Variants in SPAG16 observed in about 807,000 individuals in gnomAD.
SPAG16 encodes sperm associated antigen 16, also known as sperm-associated antigen 16 protein.
In SPAG16, 86 loss-of-function variants were observed where a neutral mutation model predicts 80.4. The ratio of observed to expected loss-of-function variants is 1.07; its 90% confidence interval spans 0.90 to 1.28. SPAG16 has a LOEUF of 1.28. Among genes scored for constraint, SPAG16 ranks in the 50% most tolerant of loss-of-function variants. The pLI, the probability that SPAG16 is intolerant of heterozygous loss-of-function variation, is 0.00. For missense variants in SPAG16, 870 were observed against 765.3 expected (o/e 1.14, Z -1.61); for synonymous variants, 294 against 265.9 (o/e 1.11, Z -1.03).
chr2:214,105,851 A>G (rs371123807), intron 13 of SPAG16, among the ~76,000 whole-genome samples: 1 of 152,152 alleles, frequency 6.6e-6, no homozygotes, highest in Non-Finnish European at 1.5e-5. Context: ...TATCTTGGGA[A>G]CAAAGCTGTG....
intron 10 of SPAG16, among the ~76,000 whole-genome samples, chr2:213,829,215 A>G (rs935326087): frequency 6.6e-6 from 1 of 152,154 alleles, no homozygotes; most frequent in African/African-American, 2.4e-5. Flanking sequence ...AAACCGTAAG[A>G]CAAAGTTCTT....
At chr2:213,811,976 T>A (rs983232375) in intron 10 of SPAG16, among the ~76,000 whole-genome samples, 2 of 151,900 alleles carry the variant, frequency 1.3e-5, no homozygotes, top group Admixed American at 1.3e-4. Context: ...TAATCACAGT[T>A]TCAGGGGTAG....
chr2:213,721,130 T>C (rs972775571), intron 10 of SPAG16, among the ~76,000 whole-genome samples: 3 of 151,988 alleles, frequency 2.0e-5, no homozygotes, highest in African/African-American at 7.3e-5. Flanking sequence ...AGATGGAGTC[T>C]CTCTCTGTAA....
intron 13 of SPAG16, among the ~76,000 whole-genome samples, chr2:214,066,667 A>G (rs1241549469): frequency 1.3e-5 from 2 of 152,150 alleles, no homozygotes; most frequent in South Asian, 2.1e-4. Flanking sequence ...TTACTGAAAA[A>G]ACACTCAATA....
intron 13 of SPAG16, among the ~76,000 whole-genome samples, chr2:214,077,004 G>T (rs1291665901): frequency 1.3e-5 from 2 of 152,150 alleles, no homozygotes; most frequent in Non-Finnish European, 2.9e-5. Context: ...GGAGGAGTGT[G>T]CAGCATGAGA....
At chr2:213,292,777 A>G (rs1052873183) in intron 1 of SPAG16, among the ~76,000 whole-genome samples, 1 of 152,098 alleles carries the variant, frequency 6.6e-6, no homozygotes, top group African/African-American at 2.4e-5. Flanking sequence ...ATATGGGGGA[A>G]CAGAGGCATG....
chr2:214,373,559 A>G (rs550732423), intron 15 of SPAG16, among the ~76,000 whole-genome samples: 3 of 152,180 alleles, frequency 2.0e-5, no homozygotes, highest in Non-Finnish European at 4.4e-5. Context: ...TTAATTATCC[A>G]TGTAAAGAAC....
intron 12 of SPAG16, among the ~76,000 whole-genome samples, chr2:213,935,837 A>G (rs545766996): frequency 2.0e-5 from 3 of 152,290 alleles, no homozygotes; most frequent in African/African-American, 4.8e-5. Flanking sequence ...TTGAGCACTT[A>G]CTTCGTTCTA....
Position 214,254,834 on chromosome 2 carries a change from A to G in SPAG16, c.1720+105568A>G, listed in dbSNP as rs78482530. 3.2e-3 allele frequency among the ~76,000 whole-genome samples: 482 copies of G among 152,124 alleles called. 7 individuals are homozygous for G. The highest frequency in any genetic ancestry group is 0.03 in the East Asian group (156 of 5,182). ...TCTAATTTTGAGAGGTATTTTTAAA[A>G]CTAAGATTGGTTTTTTTTATGAATT... On this transcript the variant is annotated intron_variant, in intron 15 of 15. Coordinates refer to ENST00000331683, the MANE Select transcript of SPAG16 (RefSeq NM_024532.5).
intron 13 of SPAG16, among the ~76,000 whole-genome samples, chr2:214,063,262 A>T (rs1273886840): frequency 6.6e-6 from 1 of 152,118 alleles, no homozygotes; most frequent in East Asian, 1.9e-4. Context: ...GGAACATGCC[A>T]CCCATACTTT....
chr2:213,688,456 A>G (rs970026248), intron 10 of SPAG16, among the ~76,000 whole-genome samples: 24 of 152,184 alleles, frequency 1.6e-4, no homozygotes, highest in African/African-American at 5.8e-4. Context: ...GCAAAGAAAC[A>G]TGTTTGGATT....
intron 10 of SPAG16, among the ~76,000 whole-genome samples, chr2:213,617,472 G>T (rs895846014): frequency 5.3e-5 from 8 of 152,192 alleles, no homozygotes; most frequent in African/African-American, 1.9e-4. Flanking sequence ...CTCCCGACTG[G>T]CTGGGATTAC....
intron 9 of SPAG16, among the ~76,000 whole-genome samples, chr2:213,425,480 T>A (rs777149147): frequency 6.6e-6 from 1 of 151,684 alleles, no homozygotes; most frequent in Non-Finnish European, 1.5e-5. Flanking sequence ...TGAAACCCCA[T>A]CTCTACTAAA....
rs564111659 is a variant in SPAG16 at position 213,757,486 on chromosome 2, A to G, written c.1071-104999A>G. ...TTACAGTAGTTAAAACATTATGGAG[A>G]AATAGTTATAGAAATATGGTGGAGT... is the stretch of plus-strand genomic sequence containing the variant. On this transcript the variant is annotated intron_variant, in intron 10 of 15. Coordinates refer to ENST00000331683, the MANE Select transcript of SPAG16 (RefSeq NM_024532.5). Among the ~76,000 whole-genome samples, 21 of 152,284 alleles carry G rather than the reference A, an allele frequency of 1.4e-4. No individual in the cohort carries two copies. In the East Asian group the frequency reaches 3.7e-3, roughly 27 times the overall value.
chr2:213,887,994 A>G (rs2076629087), intron 11 of SPAG16, among the ~76,000 whole-genome samples: 1 of 151,858 alleles, frequency 6.6e-6, no homozygotes, highest in Non-Finnish European at 1.5e-5. Flanking sequence ...TTTAAACAAA[A>G]ATTCAATGTT....
chr2:213,285,481 T>A (rs1013406427), intron 1 of SPAG16, among the ~76,000 whole-genome samples: 1 of 152,222 alleles, frequency 6.6e-6, no homozygotes. Flanking sequence ...ATCTGTTCAG[T>A]TCTTAAAGAT....
chr2:214,214,945 C>T (rs901056901), intron 15 of SPAG16, among the ~76,000 whole-genome samples: 4 of 151,564 alleles, frequency 2.6e-5, no homozygotes, highest in Middle Eastern at 3.2e-3. Flanking sequence ...AGGTTCATTA[C>T]ATTTATGGCA....
intron 10 of SPAG16, among the ~76,000 whole-genome samples, chr2:213,733,216 G>T (rs2067134277): frequency 3.4e-5 from 1 of 29,232 alleles, no homozygotes; most frequent in Non-Finnish European, 1.5e-4. Flanking sequence ...TTTGTAATGG[G>T]GTTGTTTTTT....
intron 15 of SPAG16, among the ~76,000 whole-genome samples, chr2:214,313,015 A>G (rs527819030): frequency 3.9e-5 from 6 of 152,226 alleles, no homozygotes; most frequent in African/African-American, 1.4e-4. Flanking sequence ...TTTAGTATTA[A>G]AAAAATGATG....
Sources: gnomAD v4.1 joint callset for allele counts (sites outside exome capture counted in the v4.1 genomes callset) on GRCh38, gnomAD v4.1.1 for gene constraint, MANE v1.5 for transcripts, NCBI Gene and HGNC (gene_info 2026-07-23, HGNC 2026-07-21) for gene names.